Variants in CST7 observed in about 807,000 individuals in gnomAD.
The protein encoded by CST7 is cystatin F.
CST7 carries 15 observed loss-of-function variants against 13.1 expected under a neutral mutation model. The observed-to-expected ratio is 1.14, with a 90% CI of 0.77 to 1.76. The LOEUF (loss-of-function observed/expected upper bound fraction) is 1.76. CST7 is among the 40% of genes most tolerant of loss of function. The probability of loss-of-function intolerance (pLI) is 0.00; values close to 1 mark genes in which losing one functional copy is unlikely to be tolerated. For missense variants in CST7, 193 were observed against 178.8 expected, an observed-to-expected ratio of 1.08 and a Z score of -0.45; for synonymous variants, 75 against 66.9, an observed-to-expected ratio of 1.12 and a Z score of -0.59.
intron 1 of CST7, among the ~76,000 whole-genome samples, chr20:24,952,474 G>A (rs571071137): frequency 4.6e-5 from 7 of 152,350 alleles, no homozygotes; most frequent in East Asian, 1.9e-4. Context: ...AGAGCACAGC[G>A]GGCAGGTGTG....
intron 3 of CST7, 34 bp from the exon 4 acceptor site, chr20:24,959,601 T>A: frequency 6.2e-7 from 1 of 1,608,164 alleles, no homozygotes; most frequent in Non-Finnish European, 8.5e-7. Context: ...GCAGGGAAAG[T>A]CTAAGCTCTC....
At chr20:24,952,305 A>C (rs1381075785) in intron 1 of CST7, among the ~76,000 whole-genome samples, 1 of 152,206 alleles carries the variant, frequency 6.6e-6, no homozygotes, top group African/African-American at 2.4e-5. Flanking sequence ...CTGAGATCAT[A>C]CAGCCAGTGA....
chr20:24,956,533 G>T (rs1013113509), intron 1 of CST7, among the ~76,000 whole-genome samples: 7 of 152,056 alleles, frequency 4.6e-5, no homozygotes, highest in African/African-American at 1.7e-4. Flanking sequence ...GCCCTCCTTG[G>T]TACAGGAAGG....
intron 3 of CST7, 92 bp from the exon 4 acceptor site, chr20:24,959,543 G>C: frequency 8.5e-7 from 1 of 1,180,424 alleles, no homozygotes; most frequent in South Asian, 1.2e-5. Flanking sequence ...AGGGGCAGGA[G>C]AAGAGCTCCT....
At chr20:24,954,967 G>C (rs2087843712) in intron 1 of CST7, among the ~76,000 whole-genome samples, 1 of 151,608 alleles carries the variant, frequency 6.6e-6, no homozygotes, top group Non-Finnish European at 1.5e-5. Context: ...GTCAGAAAAA[G>C]CCATAAAATG....
chr20:24,956,063 T>C (rs1438767375), intron 1 of CST7, among the ~76,000 whole-genome samples: 1 of 152,252 alleles, frequency 6.6e-6, no homozygotes, highest in Middle Eastern at 3.4e-3. Flanking sequence ...GGAGACTCTT[T>C]ACCGGGATGG....
intron 1 of CST7, among the ~76,000 whole-genome samples, chr20:24,955,229 C>G (rs771400579): frequency 6.6e-6 from 1 of 152,158 alleles, no homozygotes; most frequent in Non-Finnish European, 1.5e-5. Flanking sequence ...CATCAACAAG[C>G]ACAAGGACCA....
At chr20:24,950,177 G>A (rs1258390213) in intron 1 of CST7, among the ~76,000 whole-genome samples, 1 of 152,196 alleles carries the variant, frequency 6.6e-6, no homozygotes, top group East Asian at 1.9e-4. Context: ...TCCCCCAAAG[G>A]GAACTGGGCC....
At chr20:24,953,637 C>A (rs752688792) in intron 1 of CST7, among the ~76,000 whole-genome samples, 4 of 152,248 alleles carry the variant, frequency 2.6e-5, no homozygotes, top group African/African-American at 9.6e-5. Flanking sequence ...CCAGCTTCTA[C>A]GTCTGGAAGC....
At chr20:24,955,339 G>A (rs2087846854) in intron 1 of CST7, among the ~76,000 whole-genome samples, 1 of 152,124 alleles carries the variant, frequency 6.6e-6, no homozygotes, top group African/African-American at 2.4e-5. Context: ...AGAGTCACCT[G>A]AGAGCCTGGG....
intron 1 of CST7, among the ~76,000 whole-genome samples, chr20:24,951,074 C>T (rs1006245024): frequency 4.6e-5 from 7 of 152,166 alleles, no homozygotes; most frequent in Non-Finnish European, 8.8e-5. Flanking sequence ...CTGGCAACGT[C>T]ATTTTCCTGG....
rs551699172 is a variant in CST7 at position 24,949,509 on chromosome 20, C to T, written c.4C>T (p.Arg2Ter). 9.7e-5 allele frequency: 156 copies of T among 1,614,160 alleles called. 1 individual carries two copies. In the East Asian group the frequency reaches 2.5e-3, roughly 26 times the overall value. The change falls in exon 1 of 4, where the codon CGA (arginine) becomes TGA (stop). Residue 2 changes from arginine (R) to a stop codon, truncating the protein, a stop_gained. Coordinates refer to ENST00000480798, the MANE Select transcript of CST7 (RefSeq NM_003650.4). LOFTEE classifies it high-confidence loss of function. Reference sequence around the variant, plus strand: ...CACTGTCCCTACCCGGGCAGCCATGCGAGCGGCTGGAACTCTGCTGGCCTT... The same window carrying T: ...CACTGTCCCTACCCGGGCAGCCATGTGAGCGGCTGGAACTCTGCTGGCCTT... The part of the protein sequence containing the change: M[R>*]AAGTLLAFCC...
chr20:24,952,258 T>C (rs2122444330), intron 1 of CST7, among the ~76,000 whole-genome samples: 1 of 152,306 alleles, frequency 6.6e-6, no homozygotes, highest in African/African-American at 2.4e-5. Context: ...ATTTTACAGG[T>C]GAGGACACGG....
In CST7 at chr20:24,957,428, A is replaced by G. The variant is rs1475581844; in HGVS notation, c.212A>G (p.Lys71Arg). 6.2e-7 allele frequency: 1 copy of G among 1,613,676 alleles called. No homozygotes were observed. The highest frequency in any genetic ancestry group is 8.5e-7 in the Non-Finnish European group (1 of 1,179,788). The change falls in exon 2 of 4, where the codon AAG (lysine) becomes AGG (arginine). Residue 71 changes from lysine to arginine, a missense_variant. By Grantham distance (26) the Lys-to-Arg change is conservative. Coordinates refer to ENST00000480798, the MANE Select transcript of CST7 (RefSeq NM_003650.4). ...NNCTNDMFLF[K>R]ESRITRALVQ... The stretch of plus-strand genomic sequence containing the variant: ...TGCACGAACGACATGTTCTTGTTCA[A>G]GGAGTCCCGCATCACAAGGGCCCTA...
chr20:24,956,926 C>CCCCCTGG (rs2087858629), intron 1 of CST7, among the ~76,000 whole-genome samples: 1 of 132,836 alleles, frequency 7.5e-6, no homozygotes, highest in African/African-American at 2.8e-5. Context: ...GTTCATTGCA[C>CCCCCTGG]CCCCTGGCAC....
chr20:24,954,898 AT>A (rs895114658), intron 1 of CST7, among the ~76,000 whole-genome samples: 2 of 152,134 alleles, frequency 1.3e-5, no homozygotes, highest in African/African-American at 4.8e-5. Context: ...AAAAATAATT[AT>A]TTTTTGTTAT....
At position 24,950,525 on chromosome 20, in the gene CST7, G is replaced by T. The variant is rs1359754234; in HGVS notation, c.70+950G>T. 2.6e-5 allele frequency among the ~76,000 whole-genome samples: 4 copies of T among 152,202 alleles called. No homozygotes were observed. In the South Asian group the frequency reaches 8.3e-4, roughly 31 times the overall value. On this transcript the variant is annotated intron_variant, in intron 1 of 3. Coordinates refer to ENST00000480798, the MANE Select transcript of CST7 (RefSeq NM_003650.4). The stretch of plus-strand genomic sequence containing the variant: ...CTCCCAGGCCTGGCCTAGGGCGGAC[G>T]CTGCGACTGAGCAGCCAAGGGGACA...
intron 1 of CST7, among the ~76,000 whole-genome samples, chr20:24,955,696 G>A (rs7262434): frequency 0.029 from 4,414 of 152,202 alleles, 236 homozygotes; most frequent in African/African-American, 0.1. Context: ...TGATCTGCCC[G>A]CCTCGGCCTC....
chr20:24,959,644 T>C lies in CST7; in HGVS notation c.370T>C (p.Cys124Arg), dbSNP rs1209822788. The C allele has an allele frequency of 2.5e-6, 4 of 1,614,154 alleles. No homozygotes were observed. Among genetic ancestry groups the C allele is most frequent in the Non-Finnish European group, 3.4e-6 (4 of 1,180,024 alleles). ...TNHTLKQTLSCYSEVWVVPWL... is the reference protein window; with the variant it reads ...TNHTLKQTLSRYSEVWVVPWL... The stretch of plus-strand genomic sequence containing the variant: ...CCCTTCTCTGTTTCAGACTCTGAGC[T>C]GCTACTCTGAAGTCTGGGTCGTGCC... Residue 124 changes from cysteine (C) to arginine (R), a missense_variant, in exon 4 of 4, where the codon TGC becomes CGC. By Grantham distance (180) the Cys-to-Arg change is radical. Transcript: ENST00000480798.
Sources: gnomAD v4.1 joint callset for allele counts (sites outside exome capture counted in the v4.1 genomes callset) on GRCh38, gnomAD v4.1.1 for gene constraint, MANE v1.5 for transcripts, NCBI Gene and HGNC (gene_info 2026-07-23, HGNC 2026-07-21) for gene names.